Variants in DNAH14 observed in about 807,000 individuals in gnomAD.
DNAH14 encodes axonemal beta dynein heavy chain 14.
A neutral mutation model predicts 520.9 loss-of-function variants in DNAH14; 478 were observed. The ratio of observed to expected loss-of-function variants is 0.92; its 90% CI spans 0.85 to 0.99. The LOEUF is 0.99. Ranked by LOEUF, DNAH14 falls within the 50% of genes least tolerant of loss-of-function variation. The pLI, the probability that DNAH14 is intolerant of heterozygous loss-of-function variation, is 0.00. For missense variants in DNAH14, 4,831 were observed against 5,234.5 expected (o/e 0.92, Z 2.38); for synonymous variants, 1,581 against 1,757.2 (o/e 0.90, Z 2.51).
intron 23 of DNAH14, among the ~76,000 whole-genome samples, chr1:225,108,320 C>G (rs1238888478): frequency 6.6e-6 from 1 of 152,130 alleles, no homozygotes; most frequent in Non-Finnish European, 1.5e-5. Context: ...GTTTTTGGGA[C>G]TCTAACTGGC....
chr1:225,194,224 C>A (rs2085814840), intron 38 of DNAH14, among the ~76,000 whole-genome samples: 1 of 151,292 alleles, frequency 6.6e-6, no homozygotes, highest in African/African-American at 2.4e-5. Flanking sequence ...CAAAAAAGAG[C>A]CTGAATGAAG....
At chr1:224,976,372 A>G (rs2061841673) in intron 8 of DNAH14, among the ~76,000 whole-genome samples, 1 of 151,982 alleles carries the variant, frequency 6.6e-6, no homozygotes, top group East Asian at 1.9e-4. Context: ...AGTCTCTACA[A>G]CCATAAAAAC....
In DNAH14 at chr1:225,379,179, A is replaced by G. The variant is rs188896314; in HGVS notation, c.12717-980A>G. 1.2e-3 allele frequency among the ~76,000 whole-genome samples: 184 copies of G among 152,354 alleles called. 1 individual carries two copies. Among genetic ancestry groups the G allele is most frequent in the African/African-American group, 4.3e-3 (178 of 41,586 alleles). On this transcript the variant is annotated intron_variant, in intron 79 of 85. Transcript: ENST00000682510. Reference sequence around the variant, plus strand: ...CTTCGTGTCAACACAGGAATGAGGCAAGCAGTGGAATGTTCCATGCGGCTG... The same window carrying G: ...CTTCGTGTCAACACAGGAATGAGGCGAGCAGTGGAATGTTCCATGCGGCTG...
chr1:225,109,511 G>T (rs978754192), intron 23 of DNAH14, among the ~76,000 whole-genome samples: 3 of 151,350 alleles, frequency 2.0e-5, no homozygotes, highest in African/African-American at 7.3e-5. Context: ...TTTTCATATT[G>T]TTCACTCTTG....
chr1:225,164,402 A>G (rs1302321094), intron 35 of DNAH14, among the ~76,000 whole-genome samples: 1 of 151,988 alleles, frequency 6.6e-6, no homozygotes, highest in African/African-American at 2.4e-5. Flanking sequence ...CTTTGTTTGA[A>G]CTGTCTATCT....
chr1:225,096,606 A>G (rs1463194967), intron 21 of DNAH14, among the ~76,000 whole-genome samples: 1 of 152,176 alleles, frequency 6.6e-6, no homozygotes, highest in East Asian at 1.9e-4. Context: ...AAGACGTATA[A>G]GTACTGACAT....
chr1:225,374,270 A>AT (rs1230876677), intron 77 of DNAH14, among the ~76,000 whole-genome samples: 2 of 63,408 alleles, frequency 3.2e-5, no homozygotes, highest in South Asian at 1.1e-3. Flanking sequence ...ATATATATAT[A>AT]TTTTTTTTTG....
At chr1:225,312,611 T>A (rs908005565) in intron 60 of DNAH14, among the ~76,000 whole-genome samples, 2 of 152,228 alleles carry the variant, frequency 1.3e-5, no homozygotes, top group Non-Finnish European at 2.9e-5. Flanking sequence ...TATTTTAAGA[T>A]ATATTCCATC....
intron 77 of DNAH14, among the ~76,000 whole-genome samples, chr1:225,368,302 A>G (rs951682000): frequency 6.6e-6 from 1 of 152,238 alleles, no homozygotes; most frequent in African/African-American, 2.4e-5. Context: ...TGGCCAAAGA[A>G]AGCAAACTGA....
Position 224,977,447 on chromosome 1 carries a change from G to C in DNAH14, c.830+3294G>C, listed in dbSNP as rs552626314. On this transcript the variant is annotated intron_variant, in intron 8 of 85. Coordinates refer to ENST00000682510, the MANE Select transcript of DNAH14 (RefSeq NM_001367479.1). Reference sequence around the variant, plus strand: ...GCACACGTATACATATGTAACTAACGTGCACATTGTGCACATGTACCCTAA... The same window carrying C: ...GCACACGTATACATATGTAACTAACCTGCACATTGTGCACATGTACCCTAA... Among the ~76,000 whole-genome samples, 8 of 152,070 alleles carry C rather than the reference G, an allele frequency of 5.3e-5. No individual in the cohort carries two copies. In the South Asian group the frequency reaches 8.3e-4, roughly 16 times the overall value.
chr1:225,016,978 A>C (rs2065265178), intron 10 of DNAH14, among the ~76,000 whole-genome samples: 1 of 151,820 alleles, frequency 6.6e-6, no homozygotes, highest in African/African-American at 2.4e-5. Flanking sequence ...GTCTATCTGT[A>C]TTCTCATATA....
chr1:225,171,747 G>A (rs1180427561), intron 36 of DNAH14, among the ~76,000 whole-genome samples: 1 of 152,096 alleles, frequency 6.6e-6, no homozygotes, highest in African/African-American at 2.4e-5. Context: ...AGAAAAAGAG[G>A]GAATCCTCCC....
rs999620658 is a variant in DNAH14 at position 225,082,647 on chromosome 1, A to G, written c.3235A>G (p.Lys1079Glu). 1.3e-6 allele frequency: 2 copies of G among 1,551,476 alleles called. No individual in the cohort carries two copies. The highest frequency in any genetic ancestry group is 3.9e-5 in the Admixed American group (2 of 50,982). The change falls in exon 20 of 86, where the codon AAG (lysine) becomes GAG (glutamate). Residue 1079 changes from lysine to glutamate, a missense_variant. Lys to Glu is a moderately conservative substitution (Grantham distance 56, BLOSUM62 1). Coordinates refer to ENST00000682510, the MANE Select transcript of DNAH14 (RefSeq NM_001367479.1). ...TATAGCTCTGGGAAATCCCTGTCTCAAGCCAAGGCATTGGGAGGCTCTCCA... is the reference window on the plus strand; with the variant it reads ...TATAGCTCTGGGAAATCCCTGTCTCGAGCCAAGGCATTGGGAGGCTCTCCA... ...IIIALGNPCL[K>E]PRHWEALQEI...
chr1:225,221,694 T>C (rs2090062743), intron 41 of DNAH14, among the ~76,000 whole-genome samples: 1 of 152,078 alleles, frequency 6.6e-6, no homozygotes, highest in Non-Finnish European at 1.5e-5. Context: ...GGAGAAATTA[T>C]AAGGAAAGAT....
At chr1:225,040,670 A>G (rs781079792) in intron 12 of DNAH14, among the ~76,000 whole-genome samples, 6 of 152,164 alleles carry the variant, frequency 3.9e-5, no homozygotes, top group Non-Finnish European at 8.8e-5. Flanking sequence ...TGCCTTGCAC[A>G]TTCCTGTATA....
At chr1:225,339,878 A>T (rs888531343) in intron 68 of DNAH14, among the ~76,000 whole-genome samples, 1 of 152,078 alleles carries the variant, frequency 6.6e-6, no homozygotes, top group African/African-American at 2.4e-5. Flanking sequence ...ATCATTTCTC[A>T]CATGTAACCC....
intron 59 of DNAH14, among the ~76,000 whole-genome samples, chr1:225,307,955 G>A (rs935715800): frequency 1.3e-5 from 2 of 152,142 alleles, no homozygotes; most frequent in South Asian, 2.1e-4. Flanking sequence ...TGTGTGTAAC[G>A]CATGAAATAT....
chr1:225,308,488 G>C, intron 60 of DNAH14, 78 bp downstream of exon 60: 1 of 1,403,282 alleles, frequency 7.1e-7, no homozygotes, highest in Non-Finnish European at 9.5e-7. Flanking sequence ...TTAAAAGTCA[G>C]ACTGACTAGT....
chr1:224,969,961 A>G (rs1318645312), intron 7 of DNAH14: 1 of 152,162 alleles, frequency 6.6e-6, no homozygotes, highest in African/African-American at 2.4e-5. Flanking sequence ...TGTTTGAACA[A>G]TATGAAATCT....
Sources: allele counts gnomAD v4.1 joint callset (sites outside exome capture counted in the v4.1 genomes callset), GRCh38; gene constraint gnomAD v4.1.1; transcripts MANE v1.5; gene names NCBI Gene and HGNC (gene_info 2026-07-23, HGNC 2026-07-21).